The following PTPRG variants were observed in gnomAD, a reference collection of about 807,000 sequenced individuals.
The protein encoded by PTPRG is protein tyrosine phosphatase receptor type G.
PTPRG carries 102 observed loss-of-function variants against 165.3 expected under a neutral mutation model. The ratio of observed to expected loss-of-function variants is 0.62; its 90% CI spans 0.53 to 0.73. The LOEUF is 0.73. PTPRG is among the 30% of genes least tolerant of loss of function. PTPRG has a pLI of 0.00. For missense variants in PTPRG, 1,866 were observed against 1,861.4 expected (o/e 1.00, Z -0.05); for synonymous variants, 675 against 669.5 (o/e 1.01, Z -0.13).
intron 3 of PTPRG, among the ~76,000 whole-genome samples, chr3:61,993,252 T>A (rs2040940519): frequency 1.3e-5 from 2 of 151,998 alleles, no homozygotes; most frequent in Non-Finnish European, 1.5e-5. Flanking sequence ...AGTTTTGATC[T>A]TGTTGCCCAG....
At chr3:61,595,674 G>T (rs143802157) in intron 1 of PTPRG, among the ~76,000 whole-genome samples, 17 of 152,344 alleles carry the variant, frequency 1.1e-4, no homozygotes, top group African/African-American at 3.8e-4. Flanking sequence ...GTCAAGCTCA[G>T]TGGGACTGTC....
At chr3:61,608,076 C>G (rs1701063105) in intron 1 of PTPRG, among the ~76,000 whole-genome samples, 1 of 152,102 alleles carries the variant, frequency 6.6e-6, no homozygotes, top group African/African-American at 2.4e-5. Context: ...TTTGGCTAGA[C>G]TTGTCCTGTG....
intron 10 of PTPRG, among the ~76,000 whole-genome samples, chr3:62,197,079 T>G (rs116158830): frequency 8.9e-4 from 136 of 152,220 alleles, no homozygotes; most frequent in Middle Eastern, 3.4e-3. Flanking sequence ...GGTTCTGGAG[T>G]GAGGACCTCT....
Position 62,069,675 on chromosome 3 carries a change from C to CTG in PTPRG, c.520-8487_520-8486insGT, listed in dbSNP as rs1559778937. Among the ~76,000 whole-genome samples, 460 of 138,378 alleles carry CTG rather than the reference C, an allele frequency of 3.3e-3. 3 individuals carry two copies. The highest frequency in any genetic ancestry group is 0.013 in the African/African-American group (439 of 35,102). 90.8% of individuals were successfully genotyped at this position (138,378 alleles called of 152,430 possible). On this transcript the variant is annotated intron_variant, in intron 4 of 29. Coordinates refer to ENST00000474889, the MANE Select transcript of PTPRG (RefSeq NM_002841.4). ...TCTCTCTCTCTCTCTCTCTCTCTCT[C>CTG]TCTCTCTCTCACACACAGACACACG...
At chr3:62,223,656 T>C (rs1700698017) in intron 13 of PTPRG, among the ~76,000 whole-genome samples, 1 of 152,304 alleles carries the variant, frequency 6.6e-6, no homozygotes, top group East Asian at 1.9e-4. Flanking sequence ...GTGCAAGCTA[T>C]GGAAAATGCT....
At chr3:61,877,145 A>T (rs1242308731) in intron 2 of PTPRG, among the ~76,000 whole-genome samples, 1 of 152,222 alleles carries the variant, frequency 6.6e-6, no homozygotes, top group African/African-American at 2.4e-5. Context: ...GGGTCTAAAT[A>T]TAAGAATATT....
intron 2 of PTPRG, among the ~76,000 whole-genome samples, chr3:61,845,127 C>T (rs151147655): frequency 6.6e-6 from 1 of 152,144 alleles, no homozygotes. Context: ...AGCAACCTAC[C>T]TTAAGCATTT....
At chr3:61,901,111 C>T (rs1036232619) in intron 2 of PTPRG, among the ~76,000 whole-genome samples, 3 of 152,170 alleles carry the variant, frequency 2.0e-5, no homozygotes, top group African/African-American at 4.8e-5. Context: ...TATGGACTAA[C>T]GTGGATTTCA....
At chr3:62,039,166 G>A (rs1559761032) in intron 4 of PTPRG, among the ~76,000 whole-genome samples, 1 of 151,574 alleles carries the variant, frequency 6.6e-6, no homozygotes, top group Non-Finnish European at 1.5e-5. Context: ...AACTCCTGAC[G>A]TTAAGTGATC....
At chr3:61,907,633 A>T (rs2038688028) in intron 2 of PTPRG, among the ~76,000 whole-genome samples, 1 of 152,222 alleles carries the variant, frequency 6.6e-6, no homozygotes, top group Non-Finnish European at 1.5e-5. Context: ...ACCATAAGCA[A>T]AATGCAGACA....
intron 2 of PTPRG, among the ~76,000 whole-genome samples, chr3:61,809,324 G>C (rs1331644902): frequency 2.6e-5 from 4 of 151,932 alleles, no homozygotes; most frequent in Admixed American, 2.6e-4. Context: ...TCTTTTTTCA[G>C]AGAAAAATGT....
Position 62,162,755 on chromosome 3 carries a change from G to T in PTPRG, c.841-5216G>T, listed in dbSNP as rs79777818. On this transcript the variant is annotated intron_variant, in intron 7 of 29. Coordinates refer to ENST00000474889, the MANE Select transcript of PTPRG (RefSeq NM_002841.4). ...TCACTGCATCCATTTCTCCACTGCA[G>T]TGTGGCTCTTTCAGTGGATAATGCT... is the stretch of plus-strand genomic sequence containing the variant. 9.9e-3 allele frequency among the ~76,000 whole-genome samples: 1,515 copies of T among 152,336 alleles called. 22 individuals carry two copies. The highest frequency in any genetic ancestry group is 0.035 in the African/African-American group (1,466 of 41,562).
At chr3:61,937,953 C>T (rs1341660297) in intron 2 of PTPRG, among the ~76,000 whole-genome samples, 3 of 150,954 alleles carry the variant, frequency 2.0e-5, no homozygotes. Context: ...TTTTTTTCCC[C>T]CTTCAGTGAA....
chr3:61,863,771 ACCATTTAAGCT>A, intron 2 of PTPRG, among the ~76,000 whole-genome samples: 1 of 152,284 alleles, frequency 6.6e-6, no homozygotes, highest in East Asian at 1.9e-4. Context: ...TTCTGAACAT[ACCATTTAAGCT>A]GGTCAAAGGT....
chr3:61,948,745 G>A (rs538108739), intron 2 of PTPRG, among the ~76,000 whole-genome samples: 1 of 152,282 alleles, frequency 6.6e-6, no homozygotes, highest in South Asian at 2.1e-4. Context: ...GAGGGATTTA[G>A]CGTAGGTGTG....
Position 61,928,938 on chromosome 3 carries a change from CAT to C in PTPRG, c.191-60686_191-60685del, listed in dbSNP as rs569134113. Among the ~76,000 whole-genome samples, 21 of 152,258 alleles carry C rather than the reference CAT, an allele frequency of 1.4e-4. No individual in the cohort carries two copies. In the South Asian group the frequency reaches 1.4e-3, roughly 11 times the overall value. ...GGGGACATTTGGCAGTGGATGGAGA[CAT>C]GTGTGGTTGTCACAACGGGAAGGAT... On this transcript the variant is annotated intron_variant, in intron 2 of 29. Transcript: ENST00000474889.
chr3:61,584,870 G>A (rs6809013), intron 1 of PTPRG, among the ~76,000 whole-genome samples: 28,024 of 152,134 alleles, frequency 0.18, 3,022 homozygotes, highest in African/African-American at 0.28. Context: ...AGGTGACTTG[G>A]TACATGTTGG....
intron 4 of PTPRG, among the ~76,000 whole-genome samples, chr3:62,042,034 A>G (rs1410715117): frequency 6.6e-6 from 1 of 152,154 alleles, no homozygotes; most frequent in African/African-American, 2.4e-5. Context: ...TACCCAGGGA[A>G]TGGGGAAGTG....
chr3:61,575,001 AG>A (rs1354793372), intron 1 of PTPRG, among the ~76,000 whole-genome samples: 1 of 152,204 alleles, frequency 6.6e-6, no homozygotes, highest in Non-Finnish European at 1.5e-5. Flanking sequence ...AACTTCCACT[AG>A]GCTCCACTTC....
Sources: gnomAD v4.1 joint callset for allele counts (sites outside exome capture counted in the v4.1 genomes callset) on GRCh38, gnomAD v4.1.1 for gene constraint, MANE v1.5 for transcripts, NCBI Gene and HGNC (gene_info 2026-07-23, HGNC 2026-07-21) for gene names.